GATAD1: variants seen among roughly 807,000 people sequenced by gnomAD.
GATAD1 encodes GATA zinc finger domain containing 1.
Under a neutral mutation model 26.5 loss-of-function variants are expected in GATAD1, and 12 were observed. That is an observed-to-expected ratio of 0.45 (90% CI 0.29 to 0.73). GATAD1 has a LOEUF of 0.73. Among genes scored for constraint, GATAD1 ranks in the 30% least tolerant of loss-of-function variants. The pLI is 0.10. For missense variants in GATAD1, 266 were observed against 342.1 expected (o/e 0.78, Z 1.75); for synonymous variants, 129 against 133.1 (o/e 0.97, Z 0.21).
chr7:92,469,713 A>C, the GATAD1 span: 1 of 764,204 alleles, frequency 1.3e-6, no homozygotes. Flanking sequence ...GATTGGAAAC[A>C]AGAGGTCCTA....
the GATAD1 span, chr7:92,494,044 T>G: frequency 1.1e-5 from 5 of 456,314 alleles, no homozygotes; most frequent in East Asian, 2.1e-4. Context: ...TACATTAGGT[T>G]TCTTGCATTT....
the GATAD1 span, chr7:92,493,682 ATT>A: frequency 3.9e-5 from 6 of 153,796 alleles, no homozygotes; most frequent in Non-Finnish European, 7.2e-5. Flanking sequence ...AGTGTAAATA[ATT>A]TCTTATTCAC....
the GATAD1 span, among the ~76,000 whole-genome samples, chr7:92,483,251 A>G: frequency 2.0e-5 from 3 of 152,216 alleles, no homozygotes. Flanking sequence ...CGGCACTTGA[A>G]GCAAGATCCT....
At chr7:92,484,762 G>T in the GATAD1 span, among the ~76,000 whole-genome samples, 6 of 152,178 alleles carry the variant, frequency 3.9e-5, no homozygotes, top group Non-Finnish European at 1.5e-5. Context: ...GTTGTAGGTG[G>T]ATGTCCTCAC....
the GATAD1 span, among the ~76,000 whole-genome samples, chr7:92,491,865 A>G: frequency 6.6e-6 from 1 of 152,142 alleles, no homozygotes; most frequent in African/African-American, 2.4e-5. Context: ...AGAGCTCTAC[A>G]AATACACACC....
the GATAD1 span, chr7:92,471,006 C>T: frequency 6.0e-6 from 1 of 167,088 alleles, no homozygotes; most frequent in Non-Finnish European, 1.5e-5. Flanking sequence ...ATATCGTATA[C>T]CTAACGCCTG....
chr7:92,448,073 C>A, intron 1 of GATAD1, 95 bp downstream of exon 1: 3 of 955,824 alleles, frequency 3.1e-6, no homozygotes, highest in Non-Finnish European at 4.0e-6. Context: ...CGGGCTTCCC[C>A]GATCGCCGTG....
the GATAD1 span, chr7:92,489,590 T>C: frequency 1.9e-5 from 20 of 1,028,134 alleles, no homozygotes; most frequent in Non-Finnish European, 1.5e-6. Context: ...CATGACTGAG[T>C]TAATGTGTTC....
At chr7:92,494,331 G>C in the GATAD1 span, 1 of 1,613,818 alleles carries the variant, frequency 6.2e-7, no homozygotes, top group Non-Finnish European at 8.5e-7. Flanking sequence ...TTATCTAGTC[G>C]ACCAGGCCTA....
the GATAD1 span, among the ~76,000 whole-genome samples, chr7:92,476,847 G>T: frequency 6.6e-6 from 1 of 152,164 alleles, no homozygotes; most frequent in Non-Finnish European, 1.5e-5. Context: ...TATAGCCTAG[G>T]TGCCTAAGGA....
chr7:92,456,223 A>C, intron 4 of GATAD1, 149 bp from the exon 5 acceptor site: 1 of 525,890 alleles, frequency 1.9e-6, no homozygotes, highest in Non-Finnish European at 3.3e-6. Context: ...AAAATGATTA[A>C]GAATAATTTC....
chr7:92,493,814 A>C, the GATAD1 span: 1 of 187,178 alleles, frequency 5.3e-6, no homozygotes, highest in South Asian at 1.1e-4. Context: ...ACCTTTGACT[A>C]TTCATTTGTC....
the GATAD1 span, chr7:92,472,084 C>A: frequency 1.3e-5 from 2 of 152,194 alleles, no homozygotes; most frequent in East Asian, 3.8e-4. Context: ...GTCAAAGGAA[C>A]CTCTAAAAGG....
the GATAD1 span, among the ~76,000 whole-genome samples, chr7:92,484,016 T>C: frequency 6.6e-6 from 1 of 152,044 alleles, no homozygotes; most frequent in South Asian, 2.1e-4. Context: ...GAGCAGAGAC[T>C]AGGGAGGGAC....
chr7:92,489,701 G>T, the GATAD1 span: 1 of 1,607,474 alleles, frequency 6.2e-7, no homozygotes, highest in Non-Finnish European at 8.5e-7. Flanking sequence ...TAATGAGGGG[G>T]AAAAAGCCAT....
chr7:92,469,654 G>C, the GATAD1 span: 1 of 764,508 alleles, frequency 1.3e-6, no homozygotes, highest in Non-Finnish European at 2.4e-6. Context: ...TGTGTATGTA[G>C]TATTGCTAAA....
In GATAD1 at chr7:92,456,771, G is replaced by A; in HGVS notation, c.*209G>A. ...TTAAATGAAATTCTTAGCTGGAAAAGTGACTAAAAAGTTTTTCTCCTGCTA... is the reference window on the plus strand; with the variant it reads ...TTAAATGAAATTCTTAGCTGGAAAAATGACTAAAAAGTTTTTCTCCTGCTA... On this transcript the variant is annotated 3_prime_UTR_variant, in exon 5 of 5. Coordinates refer to ENST00000287957, the MANE Select transcript of GATAD1 (RefSeq NM_021167.5). 1 of 453,802 alleles carries A rather than the reference G, an allele frequency of 2.2e-6. No individual in the cohort carries two copies. The allele number at this position is 453,802 out of a possible 1,614,324, so 28.1% of individuals were successfully genotyped here. A position where few individuals can be genotyped will look rare whatever the true frequency, so the allele number is the denominator to read the frequency against.
chr7:92,452,982 G>T (rs573681012), intron 3 of GATAD1, among the ~76,000 whole-genome samples: 57 of 152,288 alleles, frequency 3.7e-4, no homozygotes, highest in African/African-American at 1.3e-3. Context: ...TGGACTGATG[G>T]CTGGGAGGAA....
the GATAD1 span, chr7:92,469,625 T>C: frequency 1.3e-6 from 1 of 764,560 alleles, no homozygotes; most frequent in Non-Finnish European, 2.4e-6. Flanking sequence ...GTTACCCACC[T>C]GATGCATTGG....
Sources: allele counts gnomAD v4.1 joint callset (sites outside exome capture counted in the v4.1 genomes callset), GRCh38; gene constraint gnomAD v4.1.1; transcripts MANE v1.5; gene names NCBI Gene and HGNC (gene_info 2026-07-23, HGNC 2026-07-21).